PRKN: variants seen among roughly 807,000 people sequenced by gnomAD.
PRKN encodes the protein E3 ubiquitin-protein ligase parkin.
Under a neutral mutation model 59.5 loss-of-function variants are expected in PRKN, and 56 were observed. That is an observed-to-expected ratio of 0.94 (90% CI 0.76 to 1.18). PRKN has a LOEUF of 1.18. Among genes scored for constraint, PRKN ranks in the 50% most tolerant of loss-of-function variants. PRKN has a pLI of 0.00. For synonymous variants in PRKN, 250 were observed against 222.1 expected (o/e 1.13, Z -1.12); for missense variants, 657 against 596.4 (o/e 1.10, Z -1.06).
chr6:161,720,730 A>G (rs1177369367), intron 7 of PRKN, among the ~76,000 whole-genome samples: 1 of 152,050 alleles, frequency 6.6e-6, no homozygotes, highest in Non-Finnish European at 1.5e-5. Context: ...AAATTCTACA[A>G]GAAGTTAGTA....
intron 2 of PRKN, chr6:162,271,546 A>C (rs1208174395): frequency 6.6e-6 from 1 of 152,056 alleles, no homozygotes. Context: ...CCGTCTCAAA[A>C]AAAAAAAAAA....
chr6:162,136,813 G>A (rs1781577735), intron 4 of PRKN, among the ~76,000 whole-genome samples: 1 of 152,112 alleles, frequency 6.6e-6, no homozygotes, highest in Non-Finnish European at 1.5e-5. Context: ...TAGGGCCTCT[G>A]CTTATTGTTT....
intron 1 of PRKN, among the ~76,000 whole-genome samples, chr6:162,447,570 C>G (rs990996637): frequency 6.6e-6 from 1 of 151,978 alleles, no homozygotes; most frequent in Non-Finnish European, 1.5e-5. Context: ...TATCCCTAAC[C>G]AGGGTTGAGA....
intron 2 of PRKN, among the ~76,000 whole-genome samples, chr6:162,360,007 T>C (rs1342171466): frequency 6.6e-6 from 1 of 152,178 alleles, no homozygotes; most frequent in Non-Finnish European, 1.5e-5. Flanking sequence ...TACAATATTT[T>C]ATAATTTTTC....
rs1342175802 is a variant in PRKN at position 161,579,888 on chromosome 6, C to T, written c.872-10472G>A. On this transcript the variant is annotated intron_variant, in intron 7 of 11. Coordinates refer to ENST00000366898, the MANE Select transcript of PRKN (RefSeq NM_004562.3). This position sits in a 1 kb window ranked among gnomAD's most constrained non-coding sequence, Gnocchi z 4.2. ...ATTTGGTTTCTTTTATTCATCTTAG[C>T]GTAGGCATAACTGCATTCATTACTG... Among the ~76,000 whole-genome samples, 5 of 152,098 alleles carry T rather than the reference C, an allele frequency of 3.3e-5. No homozygotes were observed. Among genetic ancestry groups the T allele is most frequent in the Non-Finnish European group, 7.4e-5 (5 of 68,026 alleles).
intron 1 of PRKN, among the ~76,000 whole-genome samples, chr6:162,704,213 G>C (rs531432084): frequency 6.6e-6 from 1 of 152,160 alleles, no homozygotes; most frequent in Admixed American, 6.5e-5. Context: ...ATACCACCAG[G>C]CTCAGGTGGA....
chr6:162,265,905 A>C (rs1404274044), intron 2 of PRKN, among the ~76,000 whole-genome samples: 1 of 152,050 alleles, frequency 6.6e-6, no homozygotes, highest in African/African-American at 2.4e-5. Context: ...TCTAATCAAT[A>C]ATGGCAGACA....
intron 7 of PRKN, among the ~76,000 whole-genome samples, chr6:161,744,080 C>G (rs1788313305): frequency 6.6e-6 from 1 of 152,026 alleles, no homozygotes; most frequent in Non-Finnish European, 1.5e-5. Flanking sequence ...GAGTAGAGCT[C>G]ATGGATTTTT....
At chr6:161,880,657 C>T (rs1794901226) in intron 6 of PRKN, among the ~76,000 whole-genome samples, 1 of 152,136 alleles carries the variant, frequency 6.6e-6, no homozygotes, top group African/African-American at 2.4e-5. Flanking sequence ...CCATGGGAAG[C>T]CAGCTTTTCC....
intron 5 of PRKN, among the ~76,000 whole-genome samples, chr6:162,019,652 C>T (rs976473690): frequency 6.6e-6 from 1 of 152,154 alleles, no homozygotes; most frequent in Non-Finnish European, 1.5e-5. Context: ...AGTCCTTGGT[C>T]CACGCTTTGT....
intron 1 of PRKN, among the ~76,000 whole-genome samples, chr6:162,462,529 G>A (rs1358443815): frequency 6.6e-6 from 1 of 152,058 alleles, no homozygotes; most frequent in Non-Finnish European, 1.5e-5. Context: ...GGATGTGTGT[G>A]GATGTGTGCG....
At chr6:162,267,404 C>T (rs1352662377) in intron 2 of PRKN, 1 of 151,964 alleles carries the variant, frequency 6.6e-6, no homozygotes, top group Non-Finnish European at 1.5e-5. Context: ...CCAAATACTA[C>T]TTAGTTCTCC....
At chr6:162,063,612 TCCGCTCACTGCAAACTCTGCCTCC>T (rs71004077) in intron 4 of PRKN, among the ~76,000 whole-genome samples, 59,282 of 151,432 alleles carry the variant, frequency 0.39, 12,068 homozygotes, top group Admixed American at 0.49. Flanking sequence ...TGGTGCGATC[TCCGCTCACTGCAAACTCTGCCTCC>T]CAGGTTCAAG....
chr6:161,814,749 ACC>A (rs1326164109), intron 6 of PRKN, among the ~76,000 whole-genome samples: 2 of 152,126 alleles, frequency 1.3e-5, no homozygotes, highest in African/African-American at 4.8e-5. Context: ...TGATCTGCCC[ACC>A]TCAGCCTCCC....
intron 9 of PRKN, among the ~76,000 whole-genome samples, chr6:161,541,807 C>A (rs183951570): frequency 2.5e-4 from 37 of 150,888 alleles, no homozygotes; most frequent in African/African-American, 9.0e-4. Context: ...GGTGACAGAG[C>A]GAGACTCCGT....
At chr6:161,916,885 G>A (rs903669305) in intron 6 of PRKN, among the ~76,000 whole-genome samples, 5 of 152,164 alleles carry the variant, frequency 3.3e-5, no homozygotes, top group South Asian at 2.1e-4. Context: ...TGCAAGCTCC[G>A]CCTCCCGGGT....
At chr6:162,153,647 A>G (rs1197284819) in intron 4 of PRKN, among the ~76,000 whole-genome samples, 1 of 152,122 alleles carries the variant, frequency 6.6e-6, no homozygotes, top group African/African-American at 2.4e-5. Flanking sequence ...AATGCGGACA[A>G]TTTTATTGAG....
chr6:162,620,294 G>A (rs1343988435), intron 1 of PRKN, among the ~76,000 whole-genome samples: 4 of 152,152 alleles, frequency 2.6e-5, no homozygotes, highest in East Asian at 1.9e-4. Flanking sequence ...GAACTGCTGC[G>A]TAGACACTTG....
chr6:162,413,915 C>T (rs1176605354), intron 2 of PRKN, among the ~76,000 whole-genome samples: 1 of 152,178 alleles, frequency 6.6e-6, no homozygotes, highest in Non-Finnish European at 1.5e-5. Flanking sequence ...GGCGCGGTGG[C>T]TCACGCCTGT....
Sources: allele counts gnomAD v4.1 joint callset (sites outside exome capture counted in the v4.1 genomes callset), GRCh38; gene constraint gnomAD v4.1.1; non-coding constraint Gnocchi (gnomAD v3.1); transcripts MANE v1.5; gene names NCBI Gene and HGNC (gene_info 2026-07-23, HGNC 2026-07-21).